The following MEIS2 variants were observed in gnomAD, a reference collection of about 807,000 sequenced individuals.
MEIS2 encodes Meis homeobox 2, also known as homeobox protein Meis2.
A neutral mutation model predicts 58.6 loss-of-function variants in MEIS2; 9 were observed. The observed-to-expected ratio is 0.15, with a 90% CI of 0.09 to 0.27. MEIS2 has a LOEUF of 0.27. Ranked by LOEUF, MEIS2 falls within the 10% of genes least tolerant of loss-of-function variation. The pLI is 1.00. For missense variants in MEIS2, 427 were observed against 635.0 expected, an observed-to-expected ratio of 0.67 and a Z score of 3.52; for synonymous variants, 221 against 228.4, an observed-to-expected ratio of 0.97 and a Z score of 0.29.
intron 9 of MEIS2, among the ~76,000 whole-genome samples, chr15:36,916,813 C>A (rs752888355): frequency 6.6e-6 from 1 of 152,146 alleles, no homozygotes; most frequent in Non-Finnish European, 1.5e-5. Context: ...ATTTATTGAG[C>A]TAGACACTAA....
chr15:37,077,885 G>A (rs1326948524), intron 7 of MEIS2, among the ~76,000 whole-genome samples: 1 of 152,094 alleles, frequency 6.6e-6, no homozygotes, highest in Non-Finnish European at 1.5e-5. Context: ...CAAACAGAGA[G>A]AGATGAACTG....
intron 9 of MEIS2, among the ~76,000 whole-genome samples, chr15:36,899,268 T>C (rs2056346593): frequency 6.6e-6 from 1 of 152,172 alleles, no homozygotes; most frequent in Admixed American, 6.5e-5. Context: ...TCCCCTGATC[T>C]TGGGATATTT....
At chr15:36,948,817 T>G (rs1041759501) in intron 9 of MEIS2, among the ~76,000 whole-genome samples, 7 of 152,000 alleles carry the variant, frequency 4.6e-5, no homozygotes, top group Non-Finnish European at 7.4e-5. Context: ...CAATGTATAA[T>G]CACATACACA....
intron 9 of MEIS2, among the ~76,000 whole-genome samples, chr15:36,912,053 G>GT (rs1038281391): frequency 1.5e-5 from 1 of 66,312 alleles, no homozygotes; most frequent in Non-Finnish European, 4.7e-5. Context: ...ATAAGCCCTA[G>GT]GGGGGATAAA....
intron 7 of MEIS2, among the ~76,000 whole-genome samples, chr15:37,077,923 G>A (rs542406482): frequency 6.6e-6 from 1 of 152,048 alleles, no homozygotes; most frequent in Non-Finnish European, 1.5e-5. Context: ...GAGCTTTCCC[G>A]TAAATGTCTG....
intron 7 of MEIS2, 90 bp from the exon 8 acceptor site, chr15:37,037,049 G>T (rs2062187243): frequency 7.9e-7 from 1 of 1,258,492 alleles, no homozygotes; most frequent in Admixed American, 2.5e-5. Flanking sequence ...TAAGCTTGTT[G>T]AAAGAAATCC....
intron 9 of MEIS2, among the ~76,000 whole-genome samples, chr15:36,932,636 T>G (rs887799539): frequency 3.9e-5 from 6 of 152,122 alleles, no homozygotes; most frequent in African/African-American, 1.4e-4. Context: ...GGCCCTAAGA[T>G]TGTGGGCAAA....
chr15:37,082,778 A>T (rs534094135), intron 7 of MEIS2, among the ~76,000 whole-genome samples: 28 of 152,230 alleles, frequency 1.8e-4, no homozygotes, highest in African/African-American at 6.5e-4. Flanking sequence ...GAACCTCAGA[A>T]ATCCAAAATT....
At chr15:37,047,653 C>A (rs1319597063) in intron 7 of MEIS2, among the ~76,000 whole-genome samples, 1 of 152,136 alleles carries the variant, frequency 6.6e-6, no homozygotes, top group Non-Finnish European at 1.5e-5. Flanking sequence ...ACACAACGGT[C>A]ATGGTTTTTA....
intron 8 of MEIS2, among the ~76,000 whole-genome samples, chr15:36,960,985 A>G (rs967502969): frequency 3.3e-5 from 5 of 151,888 alleles, no homozygotes; most frequent in Non-Finnish European, 7.4e-5. Context: ...TTGTTTTGGA[A>G]CTCCCCACAG....
At chr15:36,975,995 C>A (rs893124869) in intron 8 of MEIS2, among the ~76,000 whole-genome samples, 2 of 152,024 alleles carry the variant, frequency 1.3e-5, no homozygotes, top group African/African-American at 4.8e-5. Context: ...TTTTATTTGT[C>A]AATTACAAAA....
chr15:37,063,725 A>G (rs1165335790), intron 7 of MEIS2, among the ~76,000 whole-genome samples: 1 of 152,208 alleles, frequency 6.6e-6, no homozygotes, highest in Non-Finnish European at 1.5e-5. Context: ...AGATTACGAT[A>G]AAGCTAGTAT....
At chr15:36,944,013 C>T (rs1054992184) in intron 9 of MEIS2, among the ~76,000 whole-genome samples, 4 of 151,936 alleles carry the variant, frequency 2.6e-5, no homozygotes, top group Non-Finnish European at 5.9e-5. Context: ...GGTCTGACAC[C>T]GCAATGGATT....
chr15:36,903,020 A>T (rs551022068), intron 9 of MEIS2, among the ~76,000 whole-genome samples: 1 of 152,186 alleles, frequency 6.6e-6, no homozygotes, highest in Non-Finnish European at 1.5e-5. Flanking sequence ...AAGGAGATCA[A>T]GAAAATTTGT....
At chr15:37,027,863 A>T (rs2061759437) in intron 8 of MEIS2, among the ~76,000 whole-genome samples, 1 of 152,062 alleles carries the variant, frequency 6.6e-6, no homozygotes, top group Admixed American at 6.6e-5. Context: ...GGCCCCACAC[A>T]TGTATAGCCT....
chr15:36,972,560 A>G (rs930966445), intron 8 of MEIS2, among the ~76,000 whole-genome samples: 1 of 152,184 alleles, frequency 6.6e-6, no homozygotes, highest in African/African-American at 2.4e-5. Flanking sequence ...CCTGGCCAAT[A>G]GAAACTATTT....
At chr15:37,020,644 T>C (rs1454066052) in intron 8 of MEIS2, among the ~76,000 whole-genome samples, 1 of 151,356 alleles carries the variant, frequency 6.6e-6, no homozygotes, top group East Asian at 1.9e-4. Context: ...AGACCTGTAA[T>C]CCTAATGGCA....
intron 7 of MEIS2, among the ~76,000 whole-genome samples, chr15:37,040,104 G>A (rs2062357096): frequency 6.6e-6 from 1 of 151,478 alleles, no homozygotes; most frequent in African/African-American, 2.4e-5. Flanking sequence ...GTGGTTGTGT[G>A]TATAAGATAG....
At chr15:36,976,319 T>C (rs771147396) in intron 8 of MEIS2, among the ~76,000 whole-genome samples, 17 of 151,714 alleles carry the variant, frequency 1.1e-4, no homozygotes, top group African/African-American at 3.6e-4. Flanking sequence ...CTCCTGACCT[T>C]GTGATTCACC....
Sources: gnomAD v4.1 joint callset for allele counts (sites outside exome capture counted in the v4.1 genomes callset) on GRCh38, gnomAD v4.1.1 for gene constraint, MANE v1.5 for transcripts, NCBI Gene and HGNC (gene_info 2026-07-23, HGNC 2026-07-21) for gene names.